Variants in SMAD4 observed in about 807,000 individuals in gnomAD.
SMAD4 encodes the protein SMAD family member 4.
SMAD4 carries 7 observed loss-of-function variants against 63.2 expected under a neutral mutation model. That is an observed-to-expected ratio of 0.11 (90% CI 0.06 to 0.21). The LOEUF (loss-of-function observed/expected upper bound fraction) is 0.21, where lower values mean the gene tolerates loss of function less well. Ranked by LOEUF, SMAD4 falls within the 10% of genes least tolerant of loss-of-function variation. SMAD4 has a pLI of 1.00. For missense variants in SMAD4, 312 were observed against 693.8 expected (o/e 0.45, Z 6.18); for synonymous variants, 215 against 235.4 (o/e 0.91, Z 0.79).
chr18:51,045,957 T>C (rs1909531623), intron 1 of SMAD4, among the ~76,000 whole-genome samples: 1 of 152,222 alleles, frequency 6.6e-6, no homozygotes, highest in Non-Finnish European at 1.5e-5. Context: ...TTATAATTTG[T>C]TAGTACTTTA....
At position 51,082,227 on chromosome 18, in the gene SMAD4, T is replaced by C. The variant is rs12961857; in HGVS notation, c.*3760T>C. 10 of 229,548 alleles carry C rather than the reference T, an allele frequency of 4.4e-5. No individual in the cohort carries two copies. Among genetic ancestry groups the C allele is most frequent in the East Asian group, 1.9e-4 (3 of 16,038 alleles). 14.2% of individuals were successfully genotyped at this position (229,548 alleles called of 1,614,324 possible). ...CAGCTTAAAGTAATGCATTTTTTTT[T>C]CCCGTAAAGGCAGAATCCATCTTGT... On this transcript the variant is annotated 3_prime_UTR_variant, in exon 12 of 12. Coordinates refer to ENST00000342988, the MANE Select transcript of SMAD4 (RefSeq NM_005359.6).
At chr18:51,067,737 A>G (rs752183029) in intron 10 of SMAD4, among the ~76,000 whole-genome samples, 9 of 152,274 alleles carry the variant, frequency 5.9e-5, no homozygotes, top group Non-Finnish European at 1.2e-4. Context: ...GAGTAATACA[A>G]AGGCTCTTGA....
At position 51,046,983 on chromosome 18, in the gene SMAD4, C is replaced by T. The variant is rs1459020425; in HGVS notation, c.-64C>T. 6.6e-7 allele frequency: 1 copy of T among 1,510,492 alleles called. No homozygotes were observed. The highest frequency in any genetic ancestry group is 1.4e-5 in the African/African-American group (1 of 72,618). The allele number at this position is 1,510,492 out of a possible 1,614,324, so 93.6% of individuals were successfully genotyped here. The stretch of plus-strand genomic sequence containing the variant: ...GTTAGCTGTTGTTTTTCACTGTTTC[C>T]AAAGGATCAAAATTGCTTCAGAAAT... On this transcript the variant is annotated 5_prime_UTR_variant, in exon 2 of 12. Coordinates refer to ENST00000342988, the MANE Select transcript of SMAD4 (RefSeq NM_005359.6).
intron 10 of SMAD4, among the ~76,000 whole-genome samples, chr18:51,073,705 A>G (rs1413294885): frequency 4.0e-5 from 6 of 151,718 alleles, no homozygotes; most frequent in African/African-American, 1.5e-4. Flanking sequence ...TAATTTTTGC[A>G]TTTTTAGTAG....
At chr18:51,055,758 G>A (rs1909828510) in intron 5 of SMAD4, among the ~76,000 whole-genome samples, 7 of 151,132 alleles carry the variant, frequency 4.6e-5, no homozygotes, top group Admixed American at 4.6e-4. Context: ...TGTGTATGGT[G>A]TTAGTTGCAT....
At chr18:51,076,486 A>G (rs527421267) in intron 10 of SMAD4, 152 bp from the exon 11 acceptor site, 42 of 681,720 alleles carry the variant, frequency 6.2e-5, no homozygotes, top group Non-Finnish European at 9.5e-5. Flanking sequence ...TTTTAGACCA[A>G]TCACAATGTA....
At position 51,084,803 on chromosome 18, in the gene SMAD4, G is replaced by A. The variant is rs1033409312; in HGVS notation, c.*6336G>A. ...GGGGGTTGGGGACAGATTTGGTGGT[G>A]GTATTTCCCAACTGTTTCCTCCCCT... On this transcript the variant is annotated 3_prime_UTR_variant, in exon 12 of 12. Transcript: ENST00000342988. The A allele has an allele frequency of 3.0e-5, 7 of 230,396 alleles. No individual in the cohort carries two copies. Among genetic ancestry groups the A allele is most frequent in the African/African-American group, 1.6e-4 (7 of 45,156 alleles). 14.3% of individuals were successfully genotyped at this position (230,396 alleles called of 1,614,324 possible).
At chr18:51,051,250 C>A (rs528787121) in intron 4 of SMAD4, 3 of 392,734 alleles carry the variant, frequency 7.6e-6, no homozygotes, top group Non-Finnish European at 1.5e-5. Context: ...TGGGATTGTA[C>A]GGGTTGATAG....
rs1337916021 is a variant in SMAD4, at chr18:51,079,902, G to T, written c.*1435G>T. The T allele has an allele frequency of 4.4e-6, 1 of 229,272 alleles. No individual in the cohort carries two copies. Among genetic ancestry groups the T allele is most frequent in the African/African-American group, 2.2e-5 (1 of 44,616 alleles). The allele number at this position is 229,272 out of a possible 1,614,324, so 14.2% of individuals were successfully genotyped here. A position where few individuals can be genotyped will look rare whatever the true frequency, so the allele number is the denominator to read the frequency against. ...ACAGCCAGTTCTATTGGGCAGCTTT[G>T]TTTTTTTCCCTCACACTCTACCGGG... is the stretch of plus-strand genomic sequence containing the variant. On this transcript the variant is annotated 3_prime_UTR_variant, in exon 12 of 12. Coordinates refer to ENST00000342988, the MANE Select transcript of SMAD4 (RefSeq NM_005359.6).
At chr18:51,058,040 G>A (rs1909887332) in intron 5 of SMAD4, 85 bp from the exon 6 acceptor site, 3 of 1,504,620 alleles carry the variant, frequency 2.0e-6, no homozygotes, top group Non-Finnish European at 2.8e-6. Flanking sequence ...TGCATTATCA[G>A]ATAAAATTGG....
At position 51,059,858 on chromosome 18, in the gene SMAD4, T is replaced by C. The variant is rs1249416688; in HGVS notation, c.905-8T>C. The C allele has an allele frequency of 1.2e-6, 2 of 1,608,732 alleles. No homozygotes were observed. The highest frequency in any genetic ancestry group is 1.7e-6 in the Non-Finnish European group (2 of 1,176,134). ...ATAAAAATGGAATTTTTGTTGTCTT[T>C]TCTTTAGGGCCTGTTCACAATGAGC... On this transcript the variant is annotated splice_polypyrimidine_tract_variant and splice_region_variant and intron_variant, in intron 7 of 11. Transcript: ENST00000342988.
At chr18:51,058,026 G>A (rs1909887031) in intron 5 of SMAD4, 99 bp from the exon 6 acceptor site, 2 of 1,410,842 alleles carry the variant, frequency 1.4e-6, no homozygotes, top group Admixed American at 1.7e-5. Context: ...CATCTTTATA[G>A]TTGTGCATTA....
chr18:51,079,368 T>TC lies in SMAD4; in HGVS notation c.*902dup, dbSNP rs1291864418. 1 of 233,354 alleles carries TC rather than the reference T, an allele frequency of 4.3e-6. No individual in the cohort carries two copies. Among genetic ancestry groups the TC allele is most frequent in the Non-Finnish European group, 8.5e-6 (1 of 117,940 alleles). The allele number at this position is 233,354 out of a possible 1,614,324, so 14.5% of individuals were successfully genotyped here. On this transcript the variant is annotated 3_prime_UTR_variant, in exon 12 of 12. Coordinates refer to ENST00000342988, the MANE Select transcript of SMAD4 (RefSeq NM_005359.6). ...GTCACTCTACCTAATGTCTCACTGT[T>TC]CTGCAAAGGTGGCAATGCTTAAACT...
chr18:51,060,254 G>A (rs886174953), intron 8 of SMAD4, among the ~76,000 whole-genome samples: 9 of 152,154 alleles, frequency 5.9e-5, no homozygotes, highest in Non-Finnish European at 1.2e-4. Flanking sequence ...TAAAAAGCCA[G>A]GAAAGAATCT....
At chr18:51,060,072 T>C (rs1281437462) in intron 8 of SMAD4, among the ~76,000 whole-genome samples, 156 bp downstream of exon 8, 1 of 152,188 alleles carries the variant, frequency 6.6e-6, no homozygotes, top group Admixed American at 6.5e-5. Context: ...GTAGTCAATA[T>C]AGTCACACAT....
At chr18:51,035,016 T>A (rs189251815) in intron 1 of SMAD4, among the ~76,000 whole-genome samples, 134 of 152,312 alleles carry the variant, frequency 8.8e-4, no homozygotes, top group African/African-American at 3.0e-3. Flanking sequence ...TTTTGAACTG[T>A]TTCACTTGTG....
chr18:51,078,332 C>T lies in SMAD4; in HGVS notation c.1524C>T (p.Gly508=), dbSNP rs2144478681. 6.2e-7 allele frequency: 1 copy of T among 1,614,200 alleles called. No homozygotes were observed. The highest frequency in any genetic ancestry group is 2.2e-5 in the East Asian group (1 of 44,888). Residue 508 remains glycine, a synonymous_variant, in exon 12 of 12, where the codon GGC becomes GGT. Coordinates refer to ENST00000342988, the MANE Select transcript of SMAD4 (RefSeq NM_005359.6). ...LCILRMSFVK[G]WGPDYPRQSI... ...TACTCAGGATGAGTTTTGTGAAAGGCTGGGGACCGGATTACCCAAGACAGA... is the reference window on the plus strand; with the variant it reads ...TACTCAGGATGAGTTTTGTGAAAGGTTGGGGACCGGATTACCCAAGACAGA...
At chr18:51,066,392 G>T (rs1910153551) in intron 9 of SMAD4, among the ~76,000 whole-genome samples, 1 of 151,578 alleles carries the variant, frequency 6.6e-6, no homozygotes, top group South Asian at 2.1e-4. Flanking sequence ...AATGCTTACA[G>T]TGAAATATTA....
At chr18:51,040,518 C>T (rs1909344294) in intron 1 of SMAD4, among the ~76,000 whole-genome samples, 1 of 152,070 alleles carries the variant, frequency 6.6e-6, no homozygotes, top group African/African-American at 2.4e-5. Flanking sequence ...CTAGAAAATA[C>T]ATGTTTGACA....
Sources: allele counts gnomAD v4.1 joint callset (sites outside exome capture counted in the v4.1 genomes callset), GRCh38; gene constraint gnomAD v4.1.1; transcripts MANE v1.5; gene names NCBI Gene and HGNC (gene_info 2026-07-23, HGNC 2026-07-21).